Variants in PPM1E observed in about 807,000 individuals in gnomAD.
PPM1E encodes the protein protein phosphatase, Mg2+/Mn2+ dependent 1E.
Under a neutral mutation model 65.9 loss-of-function variants are expected in PPM1E, and 20 were observed. That is an observed-to-expected ratio of 0.30 (90% CI 0.21 to 0.44). The LOEUF is 0.44. Ranked by LOEUF, PPM1E falls within the 20% of genes least tolerant of loss-of-function variation. PPM1E has a pLI of 1.00. For synonymous variants in PPM1E, 352 were observed against 374.9 expected (o/e 0.94, Z 0.70); for missense variants, 713 against 953.1 (o/e 0.75, Z 3.32).
intron 1 of PPM1E, among the ~76,000 whole-genome samples, chr17:58,827,253 G>A (rs533012061): frequency 3.3e-4 from 47 of 143,696 alleles, no homozygotes; most frequent in East Asian, 8.4e-4. Context: ...TTCTCCTGCC[G>A]CAGCCTCCCA....
rs975574946 is a variant in PPM1E at position 58,756,349 on chromosome 17, C to T, written c.352C>T (p.Pro118Ser). 33 of 1,380,776 alleles carry T rather than the reference C, an allele frequency of 2.4e-5. No individual in the cohort carries two copies. The African/African-American group carries it at 4.9e-4, about 21-fold the overall frequency. 85.5% of individuals were successfully genotyped at this position (1,380,776 alleles called of 1,614,324 possible). A position where few individuals can be genotyped will look rare whatever the true frequency, so the allele number is the denominator to read the frequency against. The change falls in exon 1 of 7, where the codon CCG (proline) becomes TCG (serine). Residue 118 changes from proline (P) to serine (S), a missense_variant. By Grantham distance (74) the Pro-to-Ser change is moderately conservative. This residue lies in a region of PPM1E where 212 missense variants were observed against 204.0 expected (regional missense o/e 1.04). Transcript: ENST00000308249. ...APGHSAVPPPPPQLPPLPPLP... is the reference protein window; with the variant it reads ...APGHSAVPPPSPQLPPLPPLP... ...GGGGCACTCGGCCGTGCCGCCGCCG[C>T]CGCCCCAGCTGCCGCCTTTGCCCCC...
chr17:58,923,131 A>G (rs2051774949), intron 1 of PPM1E, among the ~76,000 whole-genome samples: 1 of 147,932 alleles, frequency 6.8e-6, no homozygotes, highest in South Asian at 2.2e-4. Context: ...CTAAAAATAC[A>G]AAAATTAGCT....
intron 1 of PPM1E, chr17:58,897,957 A>G (rs2051444038): frequency 6.6e-6 from 1 of 152,218 alleles, no homozygotes; most frequent in Non-Finnish European, 1.5e-5. Context: ...TCTACAGAAA[A>G]TTAAAAAATT....
chr17:58,932,579 A>C (rs1451156885), intron 1 of PPM1E, among the ~76,000 whole-genome samples: 1 of 152,202 alleles, frequency 6.6e-6, no homozygotes, highest in Non-Finnish European at 1.5e-5. Context: ...ATCTGGGAAC[A>C]GGTGATCCAG....
At chr17:58,863,824 T>G (rs1275022629) in intron 1 of PPM1E, among the ~76,000 whole-genome samples, 1 of 152,172 alleles carries the variant, frequency 6.6e-6, no homozygotes, top group Non-Finnish European at 1.5e-5. Context: ...AACTCCTCTC[T>G]GACTGTAGTC....
In PPM1E at chr17:58,980,829, C is replaced by T. The variant is rs1434354422; in HGVS notation, c.2066C>T (p.Ser689Leu). 6.2e-7 allele frequency: 1 copy of T among 1,614,156 alleles called. No individual in the cohort carries two copies. Among genetic ancestry groups the T allele is most frequent in the South Asian group, 1.1e-5 (1 of 91,084 alleles). The change falls in exon 7 of 7, where the codon TCA becomes TTA. Residue 689 changes from serine (S) to leucine (L), a missense_variant. Physicochemically the swap from Ser to Leu is moderately radical, Grantham distance 145. Coordinates refer to ENST00000308249, the MANE Select transcript of PPM1E (RefSeq NM_014906.5). This position sits in a 1 kb window ranked among gnomAD's most constrained non-coding sequence, Gnocchi z 4.7. The part of the protein sequence containing the change: ...HRFRFNPKFY[S>L]FLSAQEPSHK... ...TTCAGGTTTAATCCAAAGTTTTATT[C>T]ATTTCTCTCTGCTCAAGAGCCTTCC...
intron 1 of PPM1E, among the ~76,000 whole-genome samples, chr17:58,889,856 T>C (rs900393043): frequency 6.6e-6 from 1 of 152,236 alleles, no homozygotes; most frequent in Non-Finnish European, 1.5e-5. Context: ...TTAAAGGCTA[T>C]GCATAATAAG....
chr17:58,972,007 T>C (rs984393153), intron 4 of PPM1E, 125 bp from the exon 5 acceptor site: 18 of 844,866 alleles, frequency 2.1e-5, no homozygotes, highest in East Asian at 1.9e-4. Flanking sequence ...TTATTATATA[T>C]GTGTGAAATT....
At chr17:58,921,097 G>T (rs1021370742) in intron 1 of PPM1E, among the ~76,000 whole-genome samples, 1 of 152,198 alleles carries the variant, frequency 6.6e-6, no homozygotes, top group Non-Finnish European at 1.5e-5. Flanking sequence ...GGAAGCCATT[G>T]TGACTTTAAT....
chr17:58,801,034 A>G (rs997231578), intron 1 of PPM1E, among the ~76,000 whole-genome samples: 1 of 152,022 alleles, frequency 6.6e-6, no homozygotes, highest in African/African-American at 2.4e-5. Context: ...CATACCCTAT[A>G]TTATTTTGAT....
intron 1 of PPM1E, among the ~76,000 whole-genome samples, chr17:58,838,550 C>T (rs2050685818): frequency 6.6e-6 from 1 of 152,210 alleles, no homozygotes; most frequent in Non-Finnish European, 1.5e-5. Context: ...AAGAAACTCT[C>T]ATCTTTGCTG....
At chr17:58,907,708 C>T (rs1207242252) in intron 1 of PPM1E, among the ~76,000 whole-genome samples, 1 of 152,180 alleles carries the variant, frequency 6.6e-6, no homozygotes, top group Non-Finnish European at 1.5e-5. Context: ...ATCATATTTT[C>T]TTGGGGAATT....
intron 1 of PPM1E, among the ~76,000 whole-genome samples, chr17:58,837,428 T>G (rs2050673749): frequency 6.6e-6 from 1 of 151,612 alleles, no homozygotes. Context: ...TCAGAAAAAT[T>G]TATTGGACTT....
chr17:58,871,816 CAA>C (rs56173332), intron 1 of PPM1E, among the ~76,000 whole-genome samples: 90,727 of 143,314 alleles, frequency 0.63, 28,484 homozygotes, highest in African/African-American at 0.7. Context: ...GACCCTGTCT[CAA>C]AAAAAAAAAA....
At chr17:58,817,162 T>C (rs972820104) in intron 1 of PPM1E, among the ~76,000 whole-genome samples, 1 of 152,140 alleles carries the variant, frequency 6.6e-6, no homozygotes, top group Admixed American at 6.6e-5. Context: ...ATTTATCCAT[T>C]TATCTGTTGA....
At chr17:58,924,220 G>A (rs1030066649) in intron 1 of PPM1E, among the ~76,000 whole-genome samples, 6 of 145,202 alleles carry the variant, frequency 4.1e-5, no homozygotes, top group Non-Finnish European at 6.0e-5. Flanking sequence ...GTGCCTGGCC[G>A]AGACCCCATC....
At chr17:58,947,123 T>G (rs2052164635) in intron 1 of PPM1E, among the ~76,000 whole-genome samples, 1 of 144,310 alleles carries the variant, frequency 6.9e-6, no homozygotes, top group African/African-American at 2.6e-5. Flanking sequence ...TTTTTTTTTT[T>G]TTTTTTTTTT....
In PPM1E at chr17:58,810,502, G is replaced by A. The variant is rs183431959; in HGVS notation, c.464+54041G>A. Among the ~76,000 whole-genome samples the A allele has an allele frequency of 4.5e-3, 684 of 152,240 alleles. 3 individuals carry two copies. The highest frequency in any genetic ancestry group is 0.016 in the African/African-American group (648 of 41,544). ...TTACAGGCATGAGCCACTGCGCCCG[G>A]CCGCTGTGTACTTTACATTGCATTT... is the stretch of plus-strand genomic sequence containing the variant. On this transcript the variant is annotated intron_variant, in intron 1 of 6. Coordinates refer to ENST00000308249, the MANE Select transcript of PPM1E (RefSeq NM_014906.5).
At chr17:58,802,338 C>T (rs2050266623) in intron 1 of PPM1E, among the ~76,000 whole-genome samples, 2 of 152,080 alleles carry the variant, frequency 1.3e-5, no homozygotes. Flanking sequence ...GATTTGTTGA[C>T]CATATAGGTT....
Sources: allele counts gnomAD v4.1 joint callset (sites outside exome capture counted in the v4.1 genomes callset), GRCh38; gene constraint gnomAD v4.1.1; regional missense constraint gnomAD v4.1.1; non-coding constraint Gnocchi (gnomAD v3.1); transcripts MANE v1.5; gene names NCBI Gene and HGNC (gene_info 2026-07-23, HGNC 2026-07-21).